Variants in SLC26A9 observed in about 807,000 individuals in gnomAD.
SLC26A9 encodes solute carrier family 26 member 9, also known as anion transporter/exchanger protein 9.
A neutral mutation model predicts 87.1 loss-of-function variants in SLC26A9; 46 were observed. That is an observed-to-expected ratio of 0.53 (90% CI 0.42 to 0.67). The LOEUF is 0.67. Among genes scored for constraint, SLC26A9 ranks in the 30% least tolerant of loss-of-function variants. SLC26A9 has a pLI of 0.00. For synonymous variants in SLC26A9, 437 were observed against 409.1 expected (o/e 1.07, Z -0.82); for missense variants, 927 against 1,018.3 (o/e 0.91, Z 1.22).
chr1:205,933,205 T>A (rs1659378626), intron 2 of SLC26A9, 121 bp from the exon 3 acceptor site: 1 of 1,398,620 alleles, frequency 7.1e-7, no homozygotes, highest in Non-Finnish European at 9.8e-7. Context: ...CACTGAACTG[T>A]GTGCCAGGGA....
At chr1:205,931,804 G>A in intron 5 of SLC26A9, 56 bp downstream of exon 5, 1 of 1,558,916 alleles carries the variant, frequency 6.4e-7, no homozygotes. Context: ...AAGGCTTTGA[G>A]GGAGGGGCAG....
intron 9 of SLC26A9, 32 bp from the exon 10 acceptor site, chr1:205,927,637 G>T (rs760040218): frequency 4.4e-6 from 7 of 1,597,252 alleles, no homozygotes; most frequent in Non-Finnish European, 6.0e-6. Flanking sequence ...AGAAGCCAGT[G>T]TGGGGCTGGG....
Position 205,940,845 on chromosome 1 carries a change from G to A in SLC26A9, c.-19+2520C>T, listed in dbSNP as rs193254626. 2.6e-5 allele frequency among the ~76,000 whole-genome samples: 4 copies of A among 152,332 alleles called. No individual in the cohort carries two copies. In the East Asian group the frequency reaches 7.7e-4, roughly 29 times the overall value. ...GTGAGGGAGGGGGTTTTTGACGCAT[G>A]TGTGCCAGGTACGGGAACAGCCCCG... On this transcript the variant is annotated intron_variant, in intron 1 of 20. Transcript: ENST00000367135.
In SLC26A9 at chr1:205,933,031, G is replaced by A. The variant is rs762415024; in HGVS notation, c.179C>T (p.Ser60Phe). 1 of 1,614,066 alleles carries A rather than the reference G, an allele frequency of 6.2e-7. No homozygotes were observed. The highest frequency in any genetic ancestry group is 8.5e-7 in the Non-Finnish European group (1 of 1,180,058). ...TTTAATCTTGTACTTGGGGAGCCAG[G>A]AGAGCACAGGCAGCAGCCCAAACAC... ...AVVFGLLPVLSWLPKYKIKDY... is the reference protein window; with the variant it reads ...AVVFGLLPVLFWLPKYKIKDY... The change falls in exon 3 of 21, where the codon TCC becomes TTC. Residue 60 changes from serine (S) to phenylalanine (F), a missense_variant. Ser to Phe is a radical substitution (Grantham distance 155). Transcript: ENST00000367135.
intron 1 of SLC26A9, among the ~76,000 whole-genome samples, chr1:205,939,595 G>A (rs1443770123): frequency 6.6e-6 from 1 of 152,120 alleles, no homozygotes; most frequent in African/African-American, 2.4e-5. Context: ...TCCCCAGCCA[G>A]CCCTTCAGGT....
intron 16 of SLC26A9, 103 bp from the exon 17 acceptor site, chr1:205,921,950 A>C: frequency 7.2e-7 from 1 of 1,388,822 alleles, no homozygotes; most frequent in Non-Finnish European, 9.7e-7. Flanking sequence ...TAGGGGAATA[A>C]CTCGCCTCGG....
intron 2 of SLC26A9, 122 bp from the exon 3 acceptor site, chr1:205,933,206 G>T: frequency 2.9e-6 from 4 of 1,393,846 alleles, no homozygotes; most frequent in Non-Finnish European, 3.9e-6. Flanking sequence ...ACTGAACTGT[G>T]TGCCAGGGAT....
chr1:205,927,802 C>T (rs1659139762), intron 9 of SLC26A9, 100 bp downstream of exon 9: 1 of 1,546,420 alleles, frequency 6.5e-7, no homozygotes, highest in East Asian at 2.3e-5. Flanking sequence ...TCGAGGCAGC[C>T]TGCCTCACCT....
In SLC26A9 at chr1:205,918,977, A is replaced by T; in HGVS notation, c.2119T>A (p.Tyr707Asn). 2 of 1,614,112 alleles carry T rather than the reference A, an allele frequency of 1.2e-6. No individual in the cohort carries two copies. The highest frequency in any genetic ancestry group is 1.7e-6 in the Non-Finnish European group (2 of 1,179,956). Residue 707 changes from tyrosine (Y) to asparagine (N), a missense_variant, in exon 19 of 21, where the codon TAC (tyrosine) becomes AAC (asparagine). Tyr to Asn is a moderately radical substitution (Grantham distance 143). Transcript: ENST00000367135. ...ACGCCTCCATGGCTAATGTCATTGTACACCTGGGCTAGAAGGAGAAAAGAT... is the reference window on the plus strand; with the variant it reads ...ACGCCTCCATGGCTAATGTCATTGTTCACCTGGGCTAGAAGGAGAAAAGAT... ...VFLVNIHAQV[Y>N]NDISHGGVFE...
At chr1:205,939,204 A>G (rs1479570920) in intron 1 of SLC26A9, among the ~76,000 whole-genome samples, 1 of 152,210 alleles carries the variant, frequency 6.6e-6, no homozygotes, top group Non-Finnish European at 1.5e-5. Flanking sequence ...ACATTTGTCC[A>G]ATTGTCTCAT....
At position 205,927,224 on chromosome 1, in the gene SLC26A9, T is replaced by C. The variant is rs766864033; in HGVS notation, c.1280A>G (p.Tyr427Cys). The change falls in exon 11 of 21, where the codon TAT becomes TGT. Residue 427 changes from tyrosine (Y) to cysteine (C), a missense_variant. Tyr to Cys is a radical substitution (Grantham distance 194, BLOSUM62 -2). Transcript: ENST00000367135. ...ITMLVLGIYL[Y>C]PLPKSVLGAL... is the part of the protein sequence containing the mutation. ...CTGGGCTCTTACCTTAGGGAGAGGATACAGATAGATCCCCAGGACCAGCAT... is the reference window on the plus strand; with the variant it reads ...CTGGGCTCTTACCTTAGGGAGAGGACACAGATAGATCCCCAGGACCAGCAT... The C allele has an allele frequency of 1.2e-6, 2 of 1,614,094 alleles. No individual in the cohort carries two copies. The highest frequency in any genetic ancestry group is 2.2e-5 in the South Asian group (2 of 91,088).
chr1:205,931,838 G>A lies in SLC26A9; in HGVS notation c.552+22C>T, dbSNP rs373288756. The A allele has an allele frequency of 5.9e-5, 95 of 1,606,432 alleles. No individual in the cohort carries two copies. In the African/African-American group the frequency reaches 1.1e-3, roughly 19 times the overall value. ...AGGGTGGTCTGATGCCCTTCTAGCA[G>A]GGTTGGGGGCTGCCCCCTCACCTGG... On this transcript the variant is annotated intron_variant, in intron 5 of 20. Coordinates refer to ENST00000367135, the MANE Select transcript of SLC26A9 (RefSeq NM_052934.4).
At chr1:205,941,844 C>T (rs1294396592) in intron 1 of SLC26A9, among the ~76,000 whole-genome samples, 1 of 152,194 alleles carries the variant, frequency 6.6e-6, no homozygotes, top group Non-Finnish European at 1.5e-5. Context: ...TCCTAGAAGT[C>T]TTTAAGGAGA....
chr1:205,920,282 G>A, intron 17 of SLC26A9, 52 bp from the exon 18 acceptor site: 2 of 1,605,826 alleles, frequency 1.2e-6, no homozygotes, highest in South Asian at 2.2e-5. Flanking sequence ...GTTCTGAGTG[G>A]GTCTCAAAAG....
Position 205,928,857 on chromosome 1 carries a change from T to A in SLC26A9, c.923A>T (p.His308Leu). 5.0e-6 allele frequency: 8 copies of A among 1,614,146 alleles called. No homozygotes were observed. The highest frequency in any genetic ancestry group is 2.5e-6 in the Non-Finnish European group (3 of 1,180,022). The change falls in exon 8 of 21, where the codon CAC becomes CTC. Residue 308 changes from histidine (H) to leucine (L), a missense_variant. His to Leu is a moderately conservative substitution (Grantham distance 99). Transcript: ENST00000367135. ...SGGCKMPKKY[H>L]MQIVGEIQRG... ...TTGGATTTCTCCCACGATCTGCATGTGATACTTTTTGGGCATCTTACAGCC... is the reference window on the plus strand; with the variant it reads ...TTGGATTTCTCCCACGATCTGCATGAGATACTTTTTGGGCATCTTACAGCC...
intron 7 of SLC26A9, 136 bp downstream of exon 7, chr1:205,929,068 C>CG (rs1432175727): frequency 1.4e-6 from 2 of 1,463,578 alleles, no homozygotes; most frequent in African/African-American, 1.4e-5. Context: ...ACGCCACATA[C>CG]GGGGGATGGG....
At chr1:205,937,012 A>G (rs1328774503) in intron 1 of SLC26A9, among the ~76,000 whole-genome samples, 1 of 152,194 alleles carries the variant, frequency 6.6e-6, no homozygotes, top group African/African-American at 2.4e-5. Context: ...AAGTGGGAGT[A>G]ACAGACATAT....
intron 16 of SLC26A9, among the ~76,000 whole-genome samples, chr1:205,922,701 G>C (rs1252573982): frequency 6.6e-6 from 1 of 152,196 alleles, no homozygotes; most frequent in Non-Finnish European, 1.5e-5. Context: ...TCAGGAGTTT[G>C]ACACCAGCCT....
At chr1:205,923,785 G>T (rs1417795255) in intron 13 of SLC26A9, among the ~76,000 whole-genome samples, 172 bp from the exon 14 acceptor site, 2 of 152,204 alleles carry the variant, frequency 1.3e-5, no homozygotes, top group African/African-American at 2.4e-5. Context: ...GTGGCCTGTG[G>T]CCTCCTATAA....
Sources: allele counts gnomAD v4.1 joint callset (sites outside exome capture counted in the v4.1 genomes callset), GRCh38; gene constraint gnomAD v4.1.1; transcripts MANE v1.5; gene names NCBI Gene and HGNC (gene_info 2026-07-23, HGNC 2026-07-21).